HS3ST4: variants seen among roughly 807,000 people sequenced by gnomAD.
HS3ST4 encodes heparan sulfate glucosamine 3-O-sulfotransferase 4.
Under a neutral mutation model 29.2 loss-of-function variants are expected in HS3ST4, and 17 were observed. The ratio of observed to expected loss-of-function variants is 0.58; its 90% confidence interval spans 0.40 to 0.87. The LOEUF is 0.87. Among genes scored for constraint, HS3ST4 ranks in the 40% least tolerant of loss-of-function variants. HS3ST4 has a pLI of 0.00. For missense variants in HS3ST4, 627 were observed against 634.5 expected (o/e 0.99, Z 0.13); for synonymous variants, 314 against 285.7 (o/e 1.10, Z -1.00).
At chr16:25,979,535 G>C (rs1968981512) in intron 1 of HS3ST4, among the ~76,000 whole-genome samples, 1 of 152,214 alleles carries the variant, frequency 6.6e-6, no homozygotes, top group Admixed American at 6.5e-5. Context: ...ATGAGAATCA[G>C]ATGCCCCATG....
intron 1 of HS3ST4, among the ~76,000 whole-genome samples, chr16:26,027,257 G>T (rs939503786): frequency 2.6e-5 from 4 of 152,088 alleles, no homozygotes; most frequent in Non-Finnish European, 5.9e-5. Context: ...GGTTCTCATT[G>T]GCCAGTAGCC....
At chr16:25,861,952 C>T (rs1567258241) in intron 1 of HS3ST4, among the ~76,000 whole-genome samples, 1 of 152,072 alleles carries the variant, frequency 6.6e-6, no homozygotes, top group Non-Finnish European at 1.5e-5. Context: ...TGTCATGTAG[C>T]AGCAGTCCCC....
At chr16:25,909,616 C>T (rs1968215960) in intron 1 of HS3ST4, among the ~76,000 whole-genome samples, 2 of 152,188 alleles carry the variant, frequency 1.3e-5, no homozygotes, top group African/African-American at 2.4e-5. Flanking sequence ...TGGATATGTA[C>T]TCCCCTGGGA....
chr16:26,135,158 A>G (rs1898262622), intron 1 of HS3ST4, among the ~76,000 whole-genome samples: 3 of 152,182 alleles, frequency 2.0e-5, no homozygotes, highest in Admixed American at 2.0e-4. Context: ...TTTTCTAAAA[A>G]CTACTATAAC....
chr16:25,941,130 C>T (rs1968567241), intron 1 of HS3ST4, among the ~76,000 whole-genome samples: 1 of 152,118 alleles, frequency 6.6e-6, no homozygotes, highest in African/African-American at 2.4e-5. Context: ...TACTCACAAC[C>T]CAATACCCTG....
chr16:25,856,319 T>A (rs116648053), intron 1 of HS3ST4, among the ~76,000 whole-genome samples: 1,831 of 152,098 alleles, frequency 0.012, 40 homozygotes, highest in African/African-American at 0.04. Context: ...AAGCTATGAT[T>A]AGGAGGCTGA....
At chr16:25,977,882 C>T (rs749131896) in intron 1 of HS3ST4, among the ~76,000 whole-genome samples, 2 of 152,134 alleles carry the variant, frequency 1.3e-5, no homozygotes, top group Admixed American at 1.3e-4. Flanking sequence ...GATTGCCGCC[C>T]CCTGCCTAGA....
intron 1 of HS3ST4, among the ~76,000 whole-genome samples, chr16:26,111,173 C>G (rs1297137078): frequency 6.6e-6 from 1 of 151,850 alleles, no homozygotes; most frequent in Non-Finnish European, 1.5e-5. Context: ...AGTGATCCTC[C>G]CACTTGATCT....
At chr16:25,880,966 A>G (rs116024238) in intron 1 of HS3ST4, among the ~76,000 whole-genome samples, 1,529 of 152,280 alleles carry the variant, frequency 0.01, 24 homozygotes, top group African/African-American at 0.035. Flanking sequence ...GAGATGAGAA[A>G]AGTTAGTTTT....
In HS3ST4 at chr16:25,745,420, A is replaced by G. The variant is rs74014840; in HGVS notation, c.734+52269A>G. 5.2e-3 allele frequency among the ~76,000 whole-genome samples: 791 copies of G among 152,246 alleles called. 8 individuals are homozygous for G. Among genetic ancestry groups the G allele is most frequent in the African/African-American group, 0.018 (743 of 41,540 alleles). On this transcript the variant is annotated intron_variant, in intron 1 of 1. Transcript: ENST00000331351. ...CTTAGAATCAGTAATTAGAAAAACCATTTCTGAAATAACTGTTTTCAGACC... is the reference window on the plus strand; with the variant it reads ...CTTAGAATCAGTAATTAGAAAAACCGTTTCTGAAATAACTGTTTTCAGACC...
At position 26,049,582 on chromosome 16, in the gene HS3ST4, G is replaced by A. The variant is rs148575562; in HGVS notation, c.735-86030G>A. Among the ~76,000 whole-genome samples the A allele has an allele frequency of 7.9e-5, 12 of 151,966 alleles. No individual in the cohort carries two copies. In the East Asian group the frequency reaches 9.7e-4, roughly 12 times the overall value. On this transcript the variant is annotated intron_variant, in intron 1 of 1. Coordinates refer to ENST00000331351, the MANE Select transcript of HS3ST4 (RefSeq NM_006040.3). ...ACCCAGAAGAGGTCTGTGACCCCACGTGTGGATTTTCCCCCACACACCAAG... is the reference window on the plus strand; with the variant it reads ...ACCCAGAAGAGGTCTGTGACCCCACATGTGGATTTTCCCCCACACACCAAG...
chr16:26,103,144 G>A (rs1166837897), intron 1 of HS3ST4, among the ~76,000 whole-genome samples: 3 of 152,038 alleles, frequency 2.0e-5, no homozygotes, highest in Non-Finnish European at 4.4e-5. Flanking sequence ...GGAGAAAGTG[G>A]GCTTGAAGAG....
Position 26,059,863 on chromosome 16 carries a change from C to T in HS3ST4, c.735-75749C>T, listed in dbSNP as rs60353753. 1.4e-3 allele frequency among the ~76,000 whole-genome samples: 219 copies of T among 152,190 alleles called. 1 individual carries two copies. The highest frequency in any genetic ancestry group is 5.0e-3 in the African/African-American group (208 of 41,512). On this transcript the variant is annotated intron_variant, in intron 1 of 1. Coordinates refer to ENST00000331351, the MANE Select transcript of HS3ST4 (RefSeq NM_006040.3). ...CACAATCTTGGCTCGCTGCAACCTC[C>T]GCCTCCCTGGTTCAAGCAATTCTCT... is the stretch of plus-strand genomic sequence containing the variant.
At chr16:25,855,205 G>A (rs921263649) in intron 1 of HS3ST4, among the ~76,000 whole-genome samples, 1 of 152,068 alleles carries the variant, frequency 6.6e-6, no homozygotes, top group Non-Finnish European at 1.5e-5. Flanking sequence ...GAAGATGGTA[G>A]AAAAAAATTC....
intron 1 of HS3ST4, among the ~76,000 whole-genome samples, chr16:25,907,466 A>C (rs1968190410): frequency 6.6e-6 from 1 of 152,142 alleles, no homozygotes; most frequent in African/African-American, 2.4e-5. Context: ...CTTGGAGCTT[A>C]TAATTTTGTC....
At position 26,054,325 on chromosome 16, in the gene HS3ST4, AGAAG is replaced by A. The variant is rs1172803244; in HGVS notation, c.735-81286_735-81283del. ...AGGAGGAGGAGGAAGAAGAAGAAGAAGAAGAGAAGAAGAAGAAGAATGCATTAAG... is the reference window on the plus strand; with the variant it reads ...AGGAGGAGGAGGAAGAAGAAGAAGAAAGAAGAAGAAGAAGAATGCATTAAG... On this transcript the variant is annotated intron_variant, in intron 1 of 1. Transcript: ENST00000331351. 8.6e-3 allele frequency among the ~76,000 whole-genome samples: 1,292 copies of A among 150,676 alleles called. 25 individuals are homozygous for A. The highest frequency in any genetic ancestry group is 0.03 in the African/African-American group (1,214 of 40,276).
chr16:25,716,535 A>C (rs1966455593), intron 1 of HS3ST4, among the ~76,000 whole-genome samples: 1 of 152,226 alleles, frequency 6.6e-6, no homozygotes, highest in South Asian at 2.1e-4. Flanking sequence ...TGAGGCAACC[A>C]GATAAAAAGA....
chr16:25,981,182 A>G (rs1328517666), intron 1 of HS3ST4, among the ~76,000 whole-genome samples: 1 of 151,962 alleles, frequency 6.6e-6, no homozygotes, highest in Non-Finnish European at 1.5e-5. Flanking sequence ...ACATGGTGAA[A>G]CCCCATCTCT....
chr16:26,057,674 G>A (rs1470201861), intron 1 of HS3ST4, among the ~76,000 whole-genome samples: 3 of 152,222 alleles, frequency 2.0e-5, no homozygotes, highest in Non-Finnish European at 2.9e-5. Context: ...AACCTGGGAG[G>A]CGGAGGTTGC....
Sources: allele counts gnomAD v4.1 joint callset (sites outside exome capture counted in the v4.1 genomes callset), GRCh38; gene constraint gnomAD v4.1.1; transcripts MANE v1.5; gene names NCBI Gene and HGNC (gene_info 2026-07-23, HGNC 2026-07-21).